Variants in TBC1D19 observed in about 807,000 individuals in gnomAD.
TBC1D19 encodes the protein TBC1 domain family, member 19.
Under a neutral mutation model 89.0 loss-of-function variants are expected in TBC1D19, and 60 were observed. That is an observed-to-expected ratio of 0.67 (90% CI 0.55 to 0.84). The LOEUF is 0.84. TBC1D19 is among the 40% of genes least tolerant of loss of function. TBC1D19 has a pLI of 0.00. For missense variants in TBC1D19, 500 were observed against 610.8 expected (o/e 0.82, Z 1.91); for synonymous variants, 189 against 199.7 (o/e 0.95, Z 0.45).
chr4:26,598,619 C>T (rs946611601), intron 1 of TBC1D19, among the ~76,000 whole-genome samples: 1 of 152,182 alleles, frequency 6.6e-6, no homozygotes, highest in Non-Finnish European at 1.5e-5. Flanking sequence ...TGGTCTCTAC[C>T]TCCTTACCTC....
At chr4:26,604,370 T>A (rs1740840394) in intron 1 of TBC1D19, among the ~76,000 whole-genome samples, 2 of 150,890 alleles carry the variant, frequency 1.3e-5, no homozygotes, top group Non-Finnish European at 3.0e-5. Flanking sequence ...GCCAGGATGG[T>A]CTCCATCTCT....
At chr4:26,742,183 G>A (rs965711602) in intron 17 of TBC1D19, among the ~76,000 whole-genome samples, 5 of 152,180 alleles carry the variant, frequency 3.3e-5, no homozygotes, top group Admixed American at 3.3e-4. Context: ...AATCATAGTG[G>A]CTTGCAAAGT....
chr4:26,650,398 C>T (rs1157520029), intron 7 of TBC1D19, among the ~76,000 whole-genome samples: 2 of 152,140 alleles, frequency 1.3e-5, no homozygotes, highest in Non-Finnish European at 2.9e-5. Flanking sequence ...TTTTAATGAT[C>T]CTCATTCTAA....
intron 1 of TBC1D19, 41 bp downstream of exon 1, chr4:26,584,333 C>T: frequency 1.3e-6 from 2 of 1,557,616 alleles, no homozygotes; most frequent in Non-Finnish European, 1.7e-6. Flanking sequence ...ACGGGCGGGG[C>T]CGCGGCGATG....
intron 18 of TBC1D19, among the ~76,000 whole-genome samples, chr4:26,744,565 A>G (rs1560509393): frequency 6.6e-6 from 1 of 151,746 alleles, no homozygotes; most frequent in African/African-American, 2.4e-5. Context: ...ACAAATTTTG[A>G]TATGTTATAT....
At chr4:26,856,080 A>G in the TBC1D19 span, among the ~76,000 whole-genome samples, 1 of 152,232 alleles carries the variant, frequency 6.6e-6, no homozygotes, top group Non-Finnish European at 1.5e-5. Flanking sequence ...CCTCCAGTCT[A>G]ACAGTAACCT....
intron 19 of TBC1D19, among the ~76,000 whole-genome samples, chr4:26,752,184 G>A (rs1171301482): frequency 5.3e-5 from 8 of 151,246 alleles, no homozygotes; most frequent in Admixed American, 2.0e-4. Context: ...ATATGTGTTT[G>A]CATTAGGTAT....
chr4:26,717,837 C>G, intron 13 of TBC1D19, 96 bp from the exon 14 acceptor site: 1 of 978,922 alleles, frequency 1.0e-6, no homozygotes, highest in Middle Eastern at 2.2e-4. Context: ...AGGCACGGTA[C>G]TTGAACTTGA....
At chr4:26,720,016 T>C in intron 14 of TBC1D19, 65 bp from the exon 15 acceptor site, 1 of 1,374,572 alleles carries the variant, frequency 7.3e-7, no homozygotes, top group Non-Finnish European at 1.0e-6. Flanking sequence ...ATTCACAAAA[T>C]AAGTTGATTT....
intron 7 of TBC1D19, among the ~76,000 whole-genome samples, chr4:26,652,134 T>G (rs1744435602): frequency 6.6e-6 from 1 of 152,118 alleles, no homozygotes; most frequent in Admixed American, 6.5e-5. Context: ...CTTGAGGATG[T>G]TTGCATTGAT....
intron 19 of TBC1D19, 142 bp from the exon 20 acceptor site, chr4:26,753,678 A>T: frequency 2.7e-6 from 2 of 737,042 alleles, no homozygotes; most frequent in Non-Finnish European, 4.5e-6. Context: ...ACAAGACCTT[A>T]ATTCAGAATG....
intron 1 of TBC1D19, among the ~76,000 whole-genome samples, chr4:26,605,515 C>T (rs1218639358): frequency 1.6e-4 from 25 of 151,956 alleles, no homozygotes; most frequent in Non-Finnish European, 2.4e-4. Flanking sequence ...AGAAAACATA[C>T]GTGTGCATGT....
chr4:26,649,782 T>C (rs1171183819), intron 7 of TBC1D19, among the ~76,000 whole-genome samples: 1 of 152,138 alleles, frequency 6.6e-6, no homozygotes, highest in African/African-American at 2.4e-5. Flanking sequence ...TACATATGTA[T>C]ACATGTGCCA....
At chr4:26,830,834 A>G in the TBC1D19 span, among the ~76,000 whole-genome samples, 2 of 152,322 alleles carry the variant, frequency 1.3e-5, no homozygotes, top group East Asian at 3.9e-4. Flanking sequence ...CCTTCAGTAA[A>G]GGAGTAATTT....
intron 13 of TBC1D19, among the ~76,000 whole-genome samples, chr4:26,716,752 A>G (rs1716643401): frequency 6.6e-6 from 1 of 152,040 alleles, no homozygotes; most frequent in African/African-American, 2.4e-5. Flanking sequence ...ATTAAGACTG[A>G]TGGGATTATG....
intron 1 of TBC1D19, among the ~76,000 whole-genome samples, chr4:26,612,075 C>T (rs527675778): frequency 1.4e-4 from 21 of 152,072 alleles, no homozygotes; most frequent in Middle Eastern, 3.4e-3. Context: ...TAGTCAGTTG[C>T]TTTCTTCTGC....
At chr4:26,581,212 A>G (rs546231161), upstream of TBC1D19, among the ~76,000 whole-genome samples, 27 of 152,230 alleles carry the variant, frequency 1.8e-4, no homozygotes, top group South Asian at 5.4e-3. Context: ...TTTTTTAAAA[A>G]ATTTATTTAC....
chr4:26,584,372 A>AGAGGC, intron 1 of TBC1D19, 80 bp downstream of exon 1: 1 of 1,365,638 alleles, frequency 7.3e-7, no homozygotes, highest in Non-Finnish European at 1.0e-6. Flanking sequence ...CACCCAAGCC[A>AGAGGC]GAGCTCGCCT....
At position 26,753,766 on chromosome 4, in the gene TBC1D19, C is replaced by T. The variant is rs927972070; in HGVS notation, c.1436-54C>T. 4.8e-5 allele frequency: 77 copies of T among 1,600,216 alleles called. 1 individual carries two copies. The highest frequency in any genetic ancestry group is 1.4e-4 in the South Asian group (13 of 90,578). On this transcript the variant is annotated intron_variant, in intron 19 of 20. Transcript: ENST00000264866. ...ATTTTGGGCATAGCATAGCAGTAAC[C>T]GTGCCGGGCTGATGAGTAGGCCAGC...
Sources: gnomAD v4.1 joint callset for allele counts (sites outside exome capture counted in the v4.1 genomes callset) on GRCh38, gnomAD v4.1.1 for gene constraint, MANE v1.5 for transcripts, NCBI Gene and HGNC (gene_info 2026-07-23, HGNC 2026-07-21) for gene names.